NRXN3: variants seen among roughly 807,000 people sequenced by gnomAD.
NRXN3 encodes neurexin III.
A neutral mutation model predicts 137.6 loss-of-function variants in NRXN3; 32 were observed. The observed-to-expected ratio is 0.23, with a 90% confidence interval of 0.18 to 0.31. The LOEUF is 0.31. Ranked by LOEUF, NRXN3 falls within the 10% of genes least tolerant of loss-of-function variation. NRXN3 has a pLI of 1.00. For missense variants in NRXN3, 1,574 were observed against 2,062.5 expected (o/e 0.76, Z 4.59); for synonymous variants, 798 against 784.5 (o/e 1.02, Z -0.29).
chr14:78,998,161 C>G (rs2099533897), intron 15 of NRXN3, among the ~76,000 whole-genome samples: 1 of 152,192 alleles, frequency 6.6e-6, no homozygotes, highest in Non-Finnish European at 1.5e-5. Flanking sequence ...GCCATTGTTT[C>G]ATGTGTTGTC....
At chr14:78,547,773 T>G (rs1401741342) in intron 4 of NRXN3, among the ~76,000 whole-genome samples, 1 of 149,426 alleles carries the variant, frequency 6.7e-6, no homozygotes, top group Admixed American at 6.8e-5. Context: ...CCTTAGTGAT[T>G]GTTACTAGAG....
chr14:79,729,097 C>G (rs1284071164), intron 19 of NRXN3, among the ~76,000 whole-genome samples: 1 of 152,170 alleles, frequency 6.6e-6, no homozygotes, highest in East Asian at 1.9e-4. Flanking sequence ...TTATTATTAT[C>G]TAAAGAGTTT....
chr14:78,548,364 G>A lies in NRXN3; in HGVS notation c.758-96756G>A, dbSNP rs76317708. On this transcript the variant is annotated intron_variant, in intron 4 of 20. Transcript: ENST00000335750. ...AGAAGGTGGCTTTGAGCTATAGGTT[G>A]GATCATTTCCCATGACTTGGACAGG... 8.4e-3 allele frequency among the ~76,000 whole-genome samples: 1,278 copies of A among 152,220 alleles called. 15 individuals carry two copies. Among genetic ancestry groups the A allele is most frequent in the African/African-American group, 0.029 (1,198 of 41,520 alleles).
chr14:78,259,267 T>C (rs947061470), intron 2 of NRXN3, among the ~76,000 whole-genome samples: 1 of 152,034 alleles, frequency 6.6e-6, no homozygotes, highest in African/African-American at 2.4e-5. Context: ...GAACATCAGG[T>C]CCCATAAGAG....
intron 15 of NRXN3, among the ~76,000 whole-genome samples, chr14:79,179,035 G>C (rs1596899771): frequency 6.6e-6 from 1 of 152,180 alleles, no homozygotes; most frequent in African/African-American, 2.4e-5. Context: ...CTGATGATGA[G>C]AGTGATAGAT....
chr14:79,102,263 C>A (rs572581847), intron 15 of NRXN3, among the ~76,000 whole-genome samples: 2 of 152,132 alleles, frequency 1.3e-5, no homozygotes. Context: ...ACCTAATTCC[C>A]CTCTGTTGAG....
chr14:79,017,894 A>G (rs2099581963), intron 15 of NRXN3, among the ~76,000 whole-genome samples: 1 of 152,056 alleles, frequency 6.6e-6, no homozygotes, highest in African/African-American at 2.4e-5. Context: ...TGAGAAAATC[A>G]GGAGTCCTTA....
intron 15 of NRXN3, among the ~76,000 whole-genome samples, chr14:79,205,017 T>G (rs1364738285): frequency 6.6e-6 from 1 of 152,182 alleles, no homozygotes; most frequent in Non-Finnish European, 1.5e-5. Flanking sequence ...TAGTAAATAT[T>G]TAGGCATTGT....
At chr14:79,481,182 T>C (rs2096604916) in intron 16 of NRXN3, among the ~76,000 whole-genome samples, 1 of 152,192 alleles carries the variant, frequency 6.6e-6, no homozygotes, top group Admixed American at 6.5e-5. Context: ...AGAACTTCAA[T>C]TTGCAGAATT....
chr14:79,222,419 T>A (rs1420350909), intron 15 of NRXN3, among the ~76,000 whole-genome samples: 4 of 152,182 alleles, frequency 2.6e-5, no homozygotes, highest in Non-Finnish European at 5.9e-5. Flanking sequence ...ATTTATTCAT[T>A]CACCTGCTGA....
At chr14:79,687,385 AAACTT>A (rs1329927444) in intron 17 of NRXN3, among the ~76,000 whole-genome samples, 2 of 152,158 alleles carry the variant, frequency 1.3e-5, no homozygotes, top group East Asian at 3.9e-4. Context: ...ACTTTCTCTG[AAACTT>A]AACTTAGAAA....
chr14:79,752,180 C>T (rs1464686458), intron 19 of NRXN3, among the ~76,000 whole-genome samples: 4 of 151,982 alleles, frequency 2.6e-5, no homozygotes, highest in Non-Finnish European at 4.4e-5. Flanking sequence ...TGGTAGAATT[C>T]GGCTGTGAAT....
At chr14:78,926,800 A>G (rs2099298769) in intron 10 of NRXN3, among the ~76,000 whole-genome samples, 1 of 51,764 alleles carries the variant, frequency 1.9e-5, no homozygotes, top group South Asian at 4.4e-4. Flanking sequence ...TATATATTAT[A>G]TATTTATATA....
At chr14:79,110,935 C>A (rs1227986767) in intron 15 of NRXN3, among the ~76,000 whole-genome samples, 1 of 151,944 alleles carries the variant, frequency 6.6e-6, no homozygotes, top group Non-Finnish European at 1.5e-5. Context: ...GGACTACAGG[C>A]ACCCGCCACC....
intron 16 of NRXN3, among the ~76,000 whole-genome samples, chr14:79,535,646 C>A (rs1212955416): frequency 6.6e-6 from 1 of 152,080 alleles, no homozygotes. Flanking sequence ...ATTCTATATA[C>A]TTTATCATCT....
In NRXN3 at chr14:79,673,589, G is replaced by A. The variant is rs917320226; in HGVS notation, c.3616+9640G>A. 3.9e-5 allele frequency among the ~76,000 whole-genome samples: 6 copies of A among 152,140 alleles called. No homozygotes were observed. In the East Asian group the frequency reaches 5.8e-4, roughly 15 times the overall value. ...GAAGTATTCCCCTATCCTCATCACCGGGGTAGCTCTGAGTGGAGCCATTTC... is the reference window on the plus strand; with the variant it reads ...GAAGTATTCCCCTATCCTCATCACCAGGGTAGCTCTGAGTGGAGCCATTTC... On this transcript the variant is annotated intron_variant, in intron 17 of 20. Coordinates refer to ENST00000335750, the MANE Select transcript of NRXN3 (RefSeq NM_001330195.2).
At chr14:79,138,007 A>G (rs889110785) in intron 15 of NRXN3, among the ~76,000 whole-genome samples, 7 of 152,332 alleles carry the variant, frequency 4.6e-5, no homozygotes, top group Admixed American at 1.3e-4. Context: ...GTAGAAAGCA[A>G]TAAGATAGCA....
At chr14:78,721,199 G>A (rs2098458147) in intron 8 of NRXN3, among the ~76,000 whole-genome samples, 1 of 152,176 alleles carries the variant, frequency 6.6e-6, no homozygotes, top group South Asian at 2.1e-4. Flanking sequence ...TCACTGGTGT[G>A]GGAATAAGAG....
intron 15 of NRXN3, among the ~76,000 whole-genome samples, chr14:79,063,625 A>G (rs1388109774): frequency 2.0e-5 from 3 of 152,148 alleles, no homozygotes; most frequent in East Asian, 3.9e-4. Context: ...TTGGAAAGGT[A>G]TTTCACCACA....
Sources: gnomAD v4.1 joint callset for allele counts (sites outside exome capture counted in the v4.1 genomes callset) on GRCh38, gnomAD v4.1.1 for gene constraint, MANE v1.5 for transcripts, NCBI Gene and HGNC (gene_info 2026-07-23, HGNC 2026-07-21) for gene names.